The following ANKMY1 variants were observed in gnomAD, a reference collection of about 807,000 sequenced individuals.
ANKMY1 encodes ankyrin repeat and MYND domain-containing protein 1.
ANKMY1 carries 98 observed loss-of-function variants against 102.0 expected under a neutral mutation model. The ratio of observed to expected loss-of-function variants is 0.96; its 90% CI spans 0.82 to 1.14. The LOEUF is 1.14. ANKMY1 is among the 50% of genes most tolerant of loss of function. ANKMY1 has a pLI of 0.00. For synonymous variants in ANKMY1, 582 were observed against 559.9 expected, an observed-to-expected ratio of 1.04 and a Z score of -0.56; for missense variants, 1,330 against 1,347.6, an observed-to-expected ratio of 0.99 and a Z score of 0.20.
At chr2:240,491,634 C>T (rs551902176) in intron 15 of ANKMY1, among the ~76,000 whole-genome samples, 15 of 152,224 alleles carry the variant, frequency 9.9e-5, no homozygotes, top group Non-Finnish European at 1.9e-4. Context: ...TTTGTTTGTC[C>T]GGGGTGACTT....
rs1224296562 is a variant in ANKMY1, at chr2:240,553,019, G to A, written c.375C>T (p.Gly125=). 6.2e-7 allele frequency: 1 copy of A among 1,614,058 alleles called. No homozygotes were observed. The highest frequency in any genetic ancestry group is 8.5e-7 in the Non-Finnish European group (1 of 1,180,008). The change falls in exon 4 of 18, where the codon GGC becomes GGT. Residue 125 remains glycine, a synonymous_variant. Coordinates refer to ENST00000401804, the MANE Select transcript of ANKMY1 (RefSeq NM_001282771.3). Reference sequence around the variant, plus strand: ...CATCTGGCCACATGTAGGTACCCAGGCCATGGCAGTGGTCCCGGTAAAACT... The same window carrying A: ...CATCTGGCCACATGTAGGTACCCAGACCATGGCAGTGGTCCCGGTAAAACT... ...HGQFYRDHCH[G]LGTYMWPDGS... is the part of the protein sequence containing the mutation.
intron 2 of ANKMY1, among the ~76,000 whole-genome samples, chr2:240,556,595 G>A (rs1401974727): frequency 4.6e-5 from 7 of 152,214 alleles, no homozygotes; most frequent in African/African-American, 1.7e-4. Flanking sequence ...AATAAACAGT[G>A]TGGAGACCAG....
intron 8 of ANKMY1, among the ~76,000 whole-genome samples, chr2:240,521,005 A>C (rs757397448): frequency 1.3e-5 from 2 of 152,056 alleles, no homozygotes; most frequent in Non-Finnish European, 2.9e-5. Context: ...AGGCGCACAC[A>C]CACCTCTGAG....
At chr2:240,538,021 T>G (rs1428482625) in intron 4 of ANKMY1, among the ~76,000 whole-genome samples, 1 of 152,274 alleles carries the variant, frequency 6.6e-6, no homozygotes, top group African/African-American at 2.4e-5. Flanking sequence ...GCTGTGATTC[T>G]GGGGGCTGCC....
chr2:240,497,524 A>G (rs1050270276), intron 15 of ANKMY1, among the ~76,000 whole-genome samples: 9 of 152,222 alleles, frequency 5.9e-5, no homozygotes, highest in African/African-American at 2.2e-4. Context: ...TTTATTGAAT[A>G]AATGTTTCTT....
rs1205076807 is a variant in ANKMY1 at position 240,520,696 on chromosome 2, C to T, written c.1833-163G>A. 2.0e-5 allele frequency among the ~76,000 whole-genome samples: 3 copies of T among 151,360 alleles called. No individual in the cohort carries two copies. The highest frequency in any genetic ancestry group is 4.4e-5 in the Non-Finnish European group (3 of 67,756). On this transcript the variant is annotated intron_variant, in intron 8 of 17. Transcript: ENST00000401804. The surrounding 1 kb of genome is among the most constrained non-coding windows in gnomAD (Gnocchi z 4.8). ...CAGCACACACCCACACACGCAGACA[C>T]ACCACACAGCACACAACTACACACA...
At chr2:240,516,806 TTAACCCGGTATGACTGC>T (rs1361394789) in intron 9 of ANKMY1, among the ~76,000 whole-genome samples, 1 of 152,180 alleles carries the variant, frequency 6.6e-6, no homozygotes, top group Non-Finnish European at 1.5e-5. Flanking sequence ...AAAGCTGGTG[TTAACCCGGTATGACTGC>T]TAACCCAGTG....
At chr2:240,504,828 G>A (rs550509730) in intron 13 of ANKMY1, among the ~76,000 whole-genome samples, 11 of 152,154 alleles carry the variant, frequency 7.2e-5, no homozygotes, top group Non-Finnish European at 1.0e-4. Context: ...CCAACATGGC[G>A]AAACCCCATC....
chr2:240,479,368 C>G (rs532796502), downstream of ANKMY1: 1 of 577,920 alleles, frequency 1.7e-6, no homozygotes, highest in South Asian at 2.1e-5. Flanking sequence ...GAGGCAGGCA[C>G]GGGCTCCACA....
At chr2:240,504,913 G>A (rs1227106794) in intron 13 of ANKMY1, among the ~76,000 whole-genome samples, 1 of 152,132 alleles carries the variant, frequency 6.6e-6, no homozygotes, top group Non-Finnish European at 1.5e-5. Flanking sequence ...CTTGAACCCG[G>A]GAGGTAGAGG....
chr2:240,493,236 A>G (rs2076852942), intron 15 of ANKMY1, among the ~76,000 whole-genome samples: 1 of 152,124 alleles, frequency 6.6e-6, no homozygotes, highest in Non-Finnish European at 1.5e-5. Context: ...CTAAGGCAGG[A>G]GAATCATTTG....
At chr2:240,496,758 G>C (rs1374097612) in intron 15 of ANKMY1, among the ~76,000 whole-genome samples, 1 of 152,160 alleles carries the variant, frequency 6.6e-6, no homozygotes, top group Non-Finnish European at 1.5e-5. Flanking sequence ...ATAATTGCTG[G>C]CTGATTGTTC....
At position 240,482,202 on chromosome 2, in the gene ANKMY1, C is replaced by G; in HGVS notation, c.2866G>C (p.Asp956His). 1 of 1,612,628 alleles carries G rather than the reference C, an allele frequency of 6.2e-7. No homozygotes were observed. The highest frequency in any genetic ancestry group is 1.1e-5 in the South Asian group (1 of 90,714). The change falls in exon 16 of 18, where the codon GAT becomes CAT. Residue 956 changes from aspartate (D) to histidine (H), a missense_variant. By Grantham distance (81) the Asp-to-His change is moderately conservative. Coordinates refer to ENST00000401804, the MANE Select transcript of ANKMY1 (RefSeq NM_001282771.3). ...KKGPSLPRGL[D>H]VKEQGQIPFF... is the part of the protein sequence containing the mutation. Reference sequence around the variant, plus strand: ...ACTTACTGCCCCTGCTCCTTCACATCCAGGCCCCTGGGCAGGCTGGGGCCC... The same window carrying G: ...ACTTACTGCCCCTGCTCCTTCACATGCAGGCCCCTGGGCAGGCTGGGGCCC...
At chr2:240,558,390 G>GT (rs2092646612), upstream of ANKMY1, 1 of 152,322 alleles carries the variant, frequency 6.6e-6, no homozygotes, top group South Asian at 2.1e-4. Context: ...AGGCGCAAGG[G>GT]TAACTCGAGG....
At chr2:240,487,741 G>T (rs2076215605) in intron 15 of ANKMY1, among the ~76,000 whole-genome samples, 1 of 152,036 alleles carries the variant, frequency 6.6e-6, no homozygotes, top group South Asian at 2.1e-4. Context: ...ACGAACAGAT[G>T]AGCATTTTTT....
At position 240,498,339 on chromosome 2, in the gene ANKMY1, G is replaced by T. The variant is rs184550177; in HGVS notation, c.2806+1619C>A. Among the ~76,000 whole-genome samples the T allele has an allele frequency of 1.5e-3, 235 of 151,818 alleles. 1 individual carries two copies. Among genetic ancestry groups the T allele is most frequent in the Non-Finnish European group, 2.7e-3 (183 of 67,902 alleles). ...TGGGCACATGTGTGACGGCACATAA[G>T]TGAGTTTGGGAGGTGGGTGTGGGGT... On this transcript the variant is annotated intron_variant, in intron 15 of 17. Transcript: ENST00000401804.
In ANKMY1 at chr2:240,526,046, G is replaced by T. The variant is rs1036190448; in HGVS notation, c.1170+183C>A. 9 of 958,534 alleles carry T rather than the reference G, an allele frequency of 9.4e-6. No homozygotes were observed. The South Asian group carries it at 9.4e-5, about 10-fold the overall frequency. The allele number at this position is 958,534 out of a possible 1,614,324, so 59.4% of individuals were successfully genotyped here. ...CTCTGCCCCAAACCCTTCTGCACTGGACCACGAGTGTCACACTCAGCTGAG... is the reference window on the plus strand; with the variant it reads ...CTCTGCCCCAAACCCTTCTGCACTGTACCACGAGTGTCACACTCAGCTGAG... On this transcript the variant is annotated intron_variant, in intron 6 of 17. Transcript: ENST00000401804.
At chr2:240,512,339 G>A (rs1259807865) in intron 10 of ANKMY1, among the ~76,000 whole-genome samples, 1 of 152,210 alleles carries the variant, frequency 6.6e-6, no homozygotes, top group African/African-American at 2.4e-5. Context: ...CTGCCCTCAA[G>A]GGGCTCAACC....
the ANKMY1 span, among the ~76,000 whole-genome samples, chr2:240,471,425 A>G: frequency 6.6e-6 from 1 of 151,796 alleles, no homozygotes; most frequent in South Asian, 2.1e-4. Flanking sequence ...TTCAAAATGA[A>G]AAAATAAAAT....
Sources: allele counts gnomAD v4.1 joint callset (sites outside exome capture counted in the v4.1 genomes callset), GRCh38; gene constraint gnomAD v4.1.1; non-coding constraint Gnocchi (gnomAD v3.1); transcripts MANE v1.5; gene names NCBI Gene and HGNC (gene_info 2026-07-23, HGNC 2026-07-21).